The following GTF2IRD1 variants were observed in gnomAD, a reference collection of about 807,000 sequenced individuals.
GTF2IRD1 encodes GTF2I repeat domain containing 1.
In GTF2IRD1, 26 loss-of-function variants were observed where a neutral mutation model predicts 113.2. The ratio of observed to expected loss-of-function variants is 0.23; its 90% confidence interval spans 0.17 to 0.32. The LOEUF (loss-of-function observed/expected upper bound fraction) is 0.32. Among genes scored for constraint, GTF2IRD1 ranks in the 10% least tolerant of loss-of-function variants. The pLI, the probability that GTF2IRD1 is intolerant of heterozygous loss-of-function variation, is 1.00. For missense variants in GTF2IRD1, 864 were observed against 1,280.8 expected (o/e 0.67, Z 4.97); for synonymous variants, 484 against 529.1 (o/e 0.91, Z 1.17).
At chr7:74,597,358 TTC>T in intron 25 of GTF2IRD1, among the ~76,000 whole-genome samples, 1 of 149,360 alleles carries the variant, frequency 6.7e-6, no homozygotes, top group Non-Finnish European at 1.5e-5. Flanking sequence ...TTTTTTTTTT[TTC>T]TTTCAAGACA....
At chr7:74,575,994 C>A (rs1389813106) in intron 22 of GTF2IRD1, among the ~76,000 whole-genome samples, 2 of 151,388 alleles carry the variant, frequency 1.3e-5, no homozygotes, top group Admixed American at 1.3e-4. Context: ...ATAGCAAGAC[C>A]CCATCTCTAA....
chr7:74,460,847 A>G (rs1448898017), intron 1 of GTF2IRD1, among the ~76,000 whole-genome samples: 2 of 152,220 alleles, frequency 1.3e-5, no homozygotes, highest in African/African-American at 4.8e-5. Flanking sequence ...AGACCCCGCC[A>G]CGGGGGCGGT....
rs782768074 is a variant in GTF2IRD1, at chr7:74,591,027, C to T, written c.2591+10C>T. On this transcript the variant is annotated intron_variant, in intron 24 of 26. Transcript: ENST00000424337. ...TCATTAACCAGCTCCAGTGAGTGCC[C>T]GGCCTCTGGAACGGGGAACAGAGAG... 45 of 1,597,894 alleles carry T rather than the reference C, an allele frequency of 2.8e-5. No homozygotes were observed. The highest frequency in any genetic ancestry group is 8.1e-5 in the African/African-American group (6 of 74,492).
At chr7:74,566,761 T>A (rs1554360805) in intron 22 of GTF2IRD1, among the ~76,000 whole-genome samples, 1 of 152,206 alleles carries the variant, frequency 6.6e-6, no homozygotes, top group Admixed American at 6.5e-5. Context: ...TTTCTCAAGG[T>A]CACACAGTAG....
chr7:74,515,538 T>C lies in GTF2IRD1; in HGVS notation c.363T>C (p.His121=). The change falls in exon 4 of 27, where the codon CAT becomes CAC. Residue 121 remains histidine, a synonymous_variant. Transcript: ENST00000424337. ...GRSLPRSSLE[H]GSDVYLLRKM... is the part of the protein sequence containing the mutation. ...GCCTCCCTCGGTCCTCCCTGGAACA[T>C]GGCTCAGATGTGTACCTTCTGCGGA... 1.9e-6 allele frequency: 3 copies of C among 1,613,864 alleles called. No homozygotes were observed. Among genetic ancestry groups the C allele is most frequent in the Non-Finnish European group, 1.7e-6 (2 of 1,179,788 alleles).
intron 1 of GTF2IRD1, among the ~76,000 whole-genome samples, chr7:74,504,601 A>G (rs1406291209): frequency 6.6e-6 from 1 of 152,114 alleles, no homozygotes; most frequent in Admixed American, 6.6e-5. Context: ...CCCGCTGTGC[A>G]CTGGCTGAGG....
Position 74,601,178 on chromosome 7 carries a change from G to A in GTF2IRD1, c.2764G>A (p.Val922Met), listed in dbSNP as rs782060982. 9 of 1,584,056 alleles carry A rather than the reference G, an allele frequency of 5.7e-6. No homozygotes were observed. Among genetic ancestry groups the A allele is most frequent in the Admixed American group, 1.8e-5 (1 of 54,518 alleles). The change falls in exon 26 of 27, where the codon GTG (valine) becomes ATG (methionine). Residue 922 changes from valine (V) to methionine (M), a missense_variant and splice_region_variant. Coordinates refer to ENST00000424337, the MANE Select transcript of GTF2IRD1 (RefSeq NM_005685.4). The stretch of plus-strand genomic sequence containing the variant: ...GGCATCGGCCAACCAGATCTCACTC[G>A]TGGTAAAGTTGCACCGATTTGGACT... ...SVASANQISL[V>M]QWPMYMVDYA... is the part of the protein sequence containing the mutation.
chr7:74,551,952 A>G (rs781923371), intron 17 of GTF2IRD1, among the ~76,000 whole-genome samples: 11 of 152,074 alleles, frequency 7.2e-5, no homozygotes, highest in Non-Finnish European at 1.5e-4. Flanking sequence ...TAAATAAATA[A>G]AAATAAAGAC....
At chr7:74,567,410 T>C (rs1800389860) in intron 22 of GTF2IRD1, among the ~76,000 whole-genome samples, 1 of 151,682 alleles carries the variant, frequency 6.6e-6, no homozygotes, top group South Asian at 2.1e-4. Flanking sequence ...AAGGGGGTGA[T>C]TGGTTGCACC....
chr7:74,457,647 G>C (rs1198717099), intron 1 of GTF2IRD1, among the ~76,000 whole-genome samples: 1 of 152,016 alleles, frequency 6.6e-6, no homozygotes, highest in African/African-American at 2.4e-5. Context: ...CATCCTCTCT[G>C]TATCTCTCAG....
intron 1 of GTF2IRD1, among the ~76,000 whole-genome samples, chr7:74,472,247 A>T (rs1361992705): frequency 1.3e-5 from 1 of 75,838 alleles, no homozygotes; most frequent in African/African-American, 5.5e-5. Flanking sequence ...CAGGTGCTGC[A>T]GTGGGGCCCC....
intron 1 of GTF2IRD1, among the ~76,000 whole-genome samples, chr7:74,489,226 G>A (rs574933160): frequency 6.6e-6 from 1 of 152,150 alleles, no homozygotes; most frequent in Non-Finnish European, 1.5e-5. Context: ...GTTCTTCCAC[G>A]AGTTCACCCT....
chr7:74,460,541 G>A (rs1554328874), intron 1 of GTF2IRD1, among the ~76,000 whole-genome samples: 1 of 151,948 alleles, frequency 6.6e-6, no homozygotes, highest in Non-Finnish European at 1.5e-5. Flanking sequence ...TCCTTCTAAT[G>A]TCCTTGGTCG....
At chr7:74,578,108 G>A (rs587716925) in intron 22 of GTF2IRD1, among the ~76,000 whole-genome samples, 4 of 152,086 alleles carry the variant, frequency 2.6e-5, no homozygotes, top group African/African-American at 9.6e-5. Context: ...CCAGGCTCAC[G>A]GGTTAATTTT....
chr7:74,590,056 C>T, intron 23 of GTF2IRD1, 128 bp downstream of exon 23: 1 of 628,486 alleles, frequency 1.6e-6, no homozygotes, highest in Non-Finnish European at 2.9e-6. Flanking sequence ...GACATGGCTG[C>T]TCTGCCCATG....
At chr7:74,455,262 T>G (rs1183579779) in intron 1 of GTF2IRD1, among the ~76,000 whole-genome samples, 1 of 152,334 alleles carries the variant, frequency 6.6e-6, no homozygotes, top group African/African-American at 2.4e-5. Context: ...GGGATGGCCC[T>G]GGGCCTGGCG....
rs1391679446 is a variant in GTF2IRD1, at chr7:74,454,125, C to G, written c.-58C>G. 1 of 150,922 alleles carries G rather than the reference C, an allele frequency of 6.6e-6. No individual in the cohort carries two copies. Among genetic ancestry groups the G allele is most frequent in the Non-Finnish European group, 1.5e-5 (1 of 67,738 alleles). 9.3% of individuals were successfully genotyped at this position (150,922 alleles called of 1,614,324 possible). On this transcript the variant is annotated 5_prime_UTR_variant, in exon 1 of 27. Transcript: ENST00000424337. ...CAGCGGCAGGAGGCTGAGTCCTGGCCGCGGGCCGGGGCCGGGGCGCCGCTG... is the reference window on the plus strand; with the variant it reads ...CAGCGGCAGGAGGCTGAGTCCTGGCGGCGGGCCGGGGCCGGGGCGCCGCTG...
In GTF2IRD1 at chr7:74,561,470, G is replaced by T. The variant is rs587728947; in HGVS notation, c.2320+1815G>T. ...GTTGGAGAGGGTTTCCTGGAGTAAGGATGGCCCTGCTTGGGCCTCAGGGGA... is the reference window on the plus strand; with the variant it reads ...GTTGGAGAGGGTTTCCTGGAGTAAGTATGGCCCTGCTTGGGCCTCAGGGGA... On this transcript the variant is annotated intron_variant, in intron 22 of 26. Coordinates refer to ENST00000424337, the MANE Select transcript of GTF2IRD1 (RefSeq NM_005685.4). 2.0e-5 allele frequency among the ~76,000 whole-genome samples: 3 copies of T among 152,172 alleles called. No homozygotes were observed. In the South Asian group the frequency reaches 6.2e-4, roughly 32 times the overall value.
chr7:74,466,824 C>T (rs1383508195), intron 1 of GTF2IRD1, among the ~76,000 whole-genome samples: 5 of 152,114 alleles, frequency 3.3e-5, no homozygotes, highest in Non-Finnish European at 5.9e-5. Context: ...TGTTGTCCTC[C>T]GCATCCCTGA....
Sources: gnomAD v4.1 joint callset for allele counts (sites outside exome capture counted in the v4.1 genomes callset) on GRCh38, gnomAD v4.1.1 for gene constraint, MANE v1.5 for transcripts, NCBI Gene and HGNC (gene_info 2026-07-23, HGNC 2026-07-21) for gene names.